MTUS2: variants seen among roughly 807,000 people sequenced by gnomAD.
The protein encoded by MTUS2 is microtubule associated scaffold protein 2, also known as microtubule-associated tumor suppressor candidate 2.
A neutral mutation model predicts 114.1 loss-of-function variants in MTUS2; 40 were observed. The ratio of observed to expected loss-of-function variants is 0.35; its 90% CI spans 0.27 to 0.46. The LOEUF is 0.46. Among genes scored for constraint, MTUS2 ranks in the 20% least tolerant of loss-of-function variants. MTUS2 has a pLI of 1.00. For synonymous variants in MTUS2, 688 were observed against 672.0 expected (o/e 1.02, Z -0.37); for missense variants, 1,679 against 1,705.4 (o/e 0.98, Z 0.27).
intron 5 of MTUS2, among the ~76,000 whole-genome samples, chr13:29,124,458 A>G (rs1251815784): frequency 1.3e-5 from 2 of 152,202 alleles, no homozygotes; most frequent in Non-Finnish European, 2.9e-5. Flanking sequence ...ATGTGAAGAC[A>G]TTGGAACCCT....
rs185061972 is a variant in MTUS2 at position 28,869,265 on chromosome 13, G to A, written c.-243+29415G>A. Among the ~76,000 whole-genome samples, 336 of 152,282 alleles carry A rather than the reference G, an allele frequency of 2.2e-3. 1 individual carries two copies. Among genetic ancestry groups the A allele is most frequent in the African/African-American group, 7.3e-3 (303 of 41,544 alleles). Reference sequence around the variant, plus strand: ...AAGTAATTAAAGTTGGCTCTCTCAGGTTCCACTGAATTTAACTAGATAACT... The same window carrying A: ...AAGTAATTAAAGTTGGCTCTCTCAGATTCCACTGAATTTAACTAGATAACT... On this transcript the variant is annotated intron_variant, in intron 2 of 15. Transcript: ENST00000612955.
chr13:29,053,679 TTG>T (rs1393826053), intron 4 of MTUS2, among the ~76,000 whole-genome samples: 2 of 152,248 alleles, frequency 1.3e-5, no homozygotes, highest in Admixed American at 6.5e-5. Context: ...TGTACTGTTT[TTG>T]TATCTGGTGT....
chr13:29,435,501 C>T (rs749655791), intron 8 of MTUS2, among the ~76,000 whole-genome samples: 7 of 152,158 alleles, frequency 4.6e-5, no homozygotes, highest in Non-Finnish European at 1.0e-4. Context: ...ACTTGAGATC[C>T]TTTCCAAGGG....
At chr13:29,236,774 G>A (rs912869354) in intron 5 of MTUS2, among the ~76,000 whole-genome samples, 28 of 152,178 alleles carry the variant, frequency 1.8e-4, no homozygotes, top group Non-Finnish European at 4.0e-4. Flanking sequence ...TTCCATGCAG[G>A]AACAGGTGCT....
At chr13:28,976,753 G>A (rs1282516507) in intron 2 of MTUS2, among the ~76,000 whole-genome samples, 1 of 152,190 alleles carries the variant, frequency 6.6e-6, no homozygotes, top group Non-Finnish European at 1.5e-5. Flanking sequence ...GTATACTAGG[G>A]TGCATGATCA....
At chr13:29,318,003 T>G (rs535390405) in intron 6 of MTUS2, among the ~76,000 whole-genome samples, 1 of 152,210 alleles carries the variant, frequency 6.6e-6, no homozygotes. Context: ...CTTGCTTTGC[T>G]CCGTCTGCGT....
chr13:29,006,205 C>T (rs1012323127), intron 2 of MTUS2, among the ~76,000 whole-genome samples: 3 of 152,120 alleles, frequency 2.0e-5, no homozygotes, highest in African/African-American at 7.2e-5. Context: ...GGAGGATCTT[C>T]CCAGGTGCTG....
chr13:29,428,662 C>G (rs1876750046), intron 8 of MTUS2: 2 of 1,305,678 alleles, frequency 1.5e-6, no homozygotes, highest in Admixed American at 3.1e-5. Flanking sequence ...TCCTCCTCCT[C>G]TCATTCCTCT....
rs936815479 is a variant in MTUS2 at position 29,076,704 on chromosome 13, C to T, written c.2447-24069C>T. On this transcript the variant is annotated intron_variant, in intron 4 of 15. Transcript: ENST00000612955. ...ATCCAAGAGCCCAGGGAAGAATCTG[C>T]AGTATCCTTTATGACCAAGACTCAG... 4.6e-5 allele frequency among the ~76,000 whole-genome samples: 7 copies of T among 152,180 alleles called. No homozygotes were observed. In the South Asian group the frequency reaches 1.5e-3, roughly 32 times the overall value.
intron 7 of MTUS2, among the ~76,000 whole-genome samples, chr13:29,341,739 T>C (rs768442031): frequency 1.3e-5 from 2 of 152,212 alleles, no homozygotes; most frequent in Admixed American, 1.3e-4. Context: ...TACAAGGGTT[T>C]TTCTGATGTT....
chr13:29,347,938 C>T (rs4514524), intron 7 of MTUS2, among the ~76,000 whole-genome samples: 21,704 of 51,026 alleles, frequency 0.43, 7,751 homozygotes, highest in East Asian at 0.75. Flanking sequence ...AGGAAGTACA[C>T]AGAGTCAGGT....
chr13:29,075,487 A>G (rs1889150693), intron 4 of MTUS2, among the ~76,000 whole-genome samples: 2 of 152,176 alleles, frequency 1.3e-5, no homozygotes, highest in Admixed American at 6.5e-5. Context: ...ATTATCTCTG[A>G]CTGTTTTAGT....
chr13:28,873,239 TG>T (rs1267599690), intron 2 of MTUS2, among the ~76,000 whole-genome samples: 3 of 152,188 alleles, frequency 2.0e-5, no homozygotes, highest in Admixed American at 6.5e-5. Flanking sequence ...GAACATACCA[TG>T]GGGGAAAATT....
At chr13:29,241,406 C>T (rs1489251771) in intron 5 of MTUS2, among the ~76,000 whole-genome samples, 3 of 152,128 alleles carry the variant, frequency 2.0e-5, no homozygotes, top group South Asian at 4.1e-4. Flanking sequence ...TATTTACTTG[C>T]GTAGTACCTT....
In MTUS2 at chr13:29,204,324, T is replaced by C. The variant is rs145943773; in HGVS notation, c.2645-77380T>C. On this transcript the variant is annotated intron_variant, in intron 5 of 15. Transcript: ENST00000612955. ...CTACCTTTTCTTTCTGTAATTCTTA[T>C]ATGAGCTAAATGATTTTCATGGTCA... is the stretch of plus-strand genomic sequence containing the variant. 6.1e-4 allele frequency among the ~76,000 whole-genome samples: 93 copies of C among 152,282 alleles called. No homozygotes were observed. The Middle Eastern group carries it at 0.017, about 28-fold the overall frequency.
At chr13:28,987,404 G>A (rs903535448) in intron 2 of MTUS2, among the ~76,000 whole-genome samples, 2 of 152,126 alleles carry the variant, frequency 1.3e-5, no homozygotes, top group African/African-American at 4.8e-5. Context: ...GCCTACTAGA[G>A]GGGGAGAAAG....
intron 8 of MTUS2, among the ~76,000 whole-genome samples, chr13:29,429,756 T>G (rs1321941055): frequency 6.6e-6 from 1 of 152,214 alleles, no homozygotes; most frequent in Non-Finnish European, 1.5e-5. Flanking sequence ...GAAATTGCCT[T>G]CTTCCTACTC....
chr13:29,015,973 C>T (rs372973134), intron 2 of MTUS2, among the ~76,000 whole-genome samples: 15 of 152,140 alleles, frequency 9.9e-5, no homozygotes, highest in African/African-American at 3.6e-4. Context: ...GGTGCCATCT[C>T]GGCCCAGTGC....
At chr13:29,258,757 G>A (rs1341077240) in intron 5 of MTUS2, among the ~76,000 whole-genome samples, 2 of 152,108 alleles carry the variant, frequency 1.3e-5, no homozygotes, top group African/African-American at 2.4e-5. Context: ...TTTCTCTTCT[G>A]CTTAAGCCTG....
Sources: gnomAD v4.1 joint callset for allele counts (sites outside exome capture counted in the v4.1 genomes callset) on GRCh38, gnomAD v4.1.1 for gene constraint, MANE v1.5 for transcripts, NCBI Gene and HGNC (gene_info 2026-07-23, HGNC 2026-07-21) for gene names.